Variants in ROCK1 observed in about 807,000 individuals in gnomAD.
ROCK1 encodes Rho associated coiled-coil containing protein kinase 1.
ROCK1 carries 36 observed loss-of-function variants against 196.8 expected under a neutral mutation model. That is an observed-to-expected ratio of 0.18 (90% CI 0.14 to 0.24). ROCK1 has a LOEUF of 0.24. Among genes scored for constraint, ROCK1 ranks in the 10% least tolerant of loss-of-function variants. The pLI, the probability that ROCK1 is intolerant of heterozygous loss-of-function variation, is 1.00. For missense variants in ROCK1, 920 were observed against 1,562.0 expected (o/e 0.59, Z 6.93); for synonymous variants, 443 against 515.9 (o/e 0.86, Z 1.91).
chr18:21,082,766 G>A (rs576969148), intron 1 of ROCK1, among the ~76,000 whole-genome samples: 1 of 152,230 alleles, frequency 6.6e-6, no homozygotes, highest in Non-Finnish European at 1.5e-5. Flanking sequence ...CTGAGATCAG[G>A]AACAAGACAA....
At chr18:21,101,121 G>C (rs2036656055) in intron 1 of ROCK1, among the ~76,000 whole-genome samples, 1 of 152,130 alleles carries the variant, frequency 6.6e-6, no homozygotes, top group Admixed American at 6.5e-5. Context: ...TCATGAATTG[G>C]ATTTCATGGT....
rs2035623859 is a variant in ROCK1, at chr18:20,991,329, G to A, written c.1993-3C>T. The A allele has an allele frequency of 3.8e-6, 6 of 1,578,816 alleles. No individual in the cohort carries two copies. The highest frequency in any genetic ancestry group is 4.5e-5 in the East Asian group (2 of 44,570). On this transcript the variant is annotated splice_region_variant and splice_polypyrimidine_tract_variant and intron_variant, in intron 17 of 32. Coordinates refer to ENST00000399799, the MANE Select transcript of ROCK1 (RefSeq NM_005406.3). ...TCTATCTCTAAATTATTCTTTTCCT[G>A]TAAAATGGGAGTAGGAGTCATGTAA... is the stretch of plus-strand genomic sequence containing the variant.
intron 1 of ROCK1, among the ~76,000 whole-genome samples, chr18:21,086,029 T>C (rs1437366138): frequency 6.6e-6 from 1 of 152,102 alleles, no homozygotes; most frequent in Non-Finnish European, 1.5e-5. Flanking sequence ...TCTCAAACGA[T>C]TCTTTTAAGT....
At chr18:20,978,336 A>G (rs144383369) in intron 22 of ROCK1, among the ~76,000 whole-genome samples, 1 of 152,308 alleles carries the variant, frequency 6.6e-6, no homozygotes, top group Non-Finnish European at 1.5e-5. Context: ...ACAAGGCTAT[A>G]TATGAATTAG....
chr18:21,111,213 G>A lies in ROCK1; in HGVS notation c.-303C>T. 1 of 518,250 alleles carries A rather than the reference G, an allele frequency of 1.9e-6. No homozygotes were observed. 32.1% of individuals were successfully genotyped at this position (518,250 alleles called of 1,614,324 possible). A position where few individuals can be genotyped will look rare whatever the true frequency, so the allele number is the denominator to read the frequency against. On this transcript the variant is annotated 5_prime_UTR_variant, in exon 1 of 33. Coordinates refer to ENST00000399799, the MANE Select transcript of ROCK1 (RefSeq NM_005406.3). This position sits in a 1 kb window ranked among gnomAD's most constrained non-coding sequence, Gnocchi z 4.2. ...CTCGTCGCTCCGGCGAGGTGCTTCA[G>A]TCTAGCGGGCCCCGGCCGCCGTCGC...
intron 1 of ROCK1, among the ~76,000 whole-genome samples, chr18:21,087,724 T>C (rs1276509677): frequency 1.3e-5 from 2 of 152,192 alleles, no homozygotes; most frequent in African/African-American, 4.8e-5. Flanking sequence ...TCTACAATTT[T>C]AGTCGGCAAC....
At chr18:21,078,435 T>C (rs375444031) in intron 1 of ROCK1, among the ~76,000 whole-genome samples, 21 of 151,380 alleles carry the variant, frequency 1.4e-4, no homozygotes, top group East Asian at 1.2e-3. Flanking sequence ...GAAATTATTT[T>C]AGGCAGATAG....
At position 20,947,616 on chromosome 18, in the gene ROCK1, G is replaced by A. The variant is rs993930798; in HGVS notation, c.*3768C>T. ...TAAAACTGCTTGAGGCTAGGAGTTA[G>A]AGACCACCCTGGGCAACATAATCTC... On this transcript the variant is annotated 3_prime_UTR_variant, in exon 33 of 33. Transcript: ENST00000399799. 3 of 152,176 alleles carry A rather than the reference G, an allele frequency of 2.0e-5. No individual in the cohort carries two copies. Among genetic ancestry groups the A allele is most frequent in the Non-Finnish European group, 4.4e-5 (3 of 68,044 alleles). The allele number at this position is 152,176 out of a possible 1,614,324, so 9.4% of individuals were successfully genotyped here. A position where few individuals can be genotyped will look rare whatever the true frequency, so the allele number is the denominator to read the frequency against.
chr18:20,988,601 C>T (rs770877355), intron 18 of ROCK1, among the ~76,000 whole-genome samples: 1 of 152,126 alleles, frequency 6.6e-6, no homozygotes, highest in Non-Finnish European at 1.5e-5. Context: ...AATAAGAATA[C>T]TGAACTTACT....
intron 2 of ROCK1, among the ~76,000 whole-genome samples, chr18:21,060,217 A>C (rs2036277180): frequency 6.6e-6 from 1 of 152,252 alleles, no homozygotes; most frequent in African/African-American, 2.4e-5. Flanking sequence ...AACTTAATAA[A>C]GTTGCTTTAA....
At chr18:21,019,688 C>T (rs2035896295) in intron 12 of ROCK1, among the ~76,000 whole-genome samples, 1 of 151,566 alleles carries the variant, frequency 6.6e-6, no homozygotes, top group East Asian at 2.0e-4. Context: ...GGCCCAGCTA[C>T]TCGGGAGGCT....
intron 2 of ROCK1, among the ~76,000 whole-genome samples, chr18:21,068,854 G>A (rs181570402): frequency 2.0e-5 from 3 of 152,270 alleles, no homozygotes; most frequent in Admixed American, 1.3e-4. Context: ...ATTAGTTCAT[G>A]TAGCTTTTTT....
intron 9 of ROCK1, among the ~76,000 whole-genome samples, chr18:21,032,246 T>C (rs1321482923): frequency 3.9e-5 from 6 of 152,166 alleles, no homozygotes; most frequent in Non-Finnish European, 8.8e-5. Flanking sequence ...GGTAACTATT[T>C]AGATAAATGT....
At chr18:21,025,350 A>G (rs1015256120) in intron 10 of ROCK1, among the ~76,000 whole-genome samples, 6 of 152,216 alleles carry the variant, frequency 3.9e-5, no homozygotes, top group African/African-American at 1.2e-4. Context: ...GATTTCAGGG[A>G]TAAGAATTTC....
intron 20 of ROCK1, among the ~76,000 whole-genome samples, chr18:20,983,819 C>T (rs577407614): frequency 4.1e-4 from 62 of 152,036 alleles, no homozygotes; most frequent in Middle Eastern, 3.4e-3. Context: ...ATAAAATAAA[C>T]GTGGAGGAAA....
chr18:20,982,128 G>A (rs1398339330), intron 21 of ROCK1, among the ~76,000 whole-genome samples: 2 of 152,222 alleles, frequency 1.3e-5, no homozygotes, highest in Non-Finnish European at 2.9e-5. Flanking sequence ...CTGGATGACT[G>A]CTCTGTGGAA....
intron 20 of ROCK1, among the ~76,000 whole-genome samples, chr18:20,983,372 GACAA>G (rs2035550643): frequency 6.6e-6 from 1 of 150,664 alleles, no homozygotes; most frequent in Non-Finnish European, 1.5e-5. Flanking sequence ...ACAACAAACT[GACAA>G]ACAAGGAGGA....
chr18:21,043,616 C>T (rs1176571007), intron 6 of ROCK1, among the ~76,000 whole-genome samples: 1 of 148,476 alleles, frequency 6.7e-6, no homozygotes, highest in East Asian at 2.0e-4. Context: ...TATACATATA[C>T]AGCTGTGTAT....
At chr18:20,994,609 T>C (rs1247606594) in intron 16 of ROCK1, among the ~76,000 whole-genome samples, 6 of 152,194 alleles carry the variant, frequency 3.9e-5, no homozygotes, top group South Asian at 2.1e-4. Context: ...TGTACAAAGA[T>C]AGTAATTCAG....
Sources: gnomAD v4.1 joint callset for allele counts (sites outside exome capture counted in the v4.1 genomes callset) on GRCh38, gnomAD v4.1.1 for gene constraint, Gnocchi (gnomAD v3.1) non-coding constraint, MANE v1.5 for transcripts, NCBI Gene and HGNC (gene_info 2026-07-23, HGNC 2026-07-21) for gene names.